KCNMA1: variants seen among roughly 807,000 people sequenced by gnomAD.
KCNMA1 encodes potassium calcium-activated channel subfamily M alpha 1, also known as Calcium-activated potassium channel subunit alpha-1.
Under a neutral mutation model 140.0 loss-of-function variants are expected in KCNMA1, and 29 were observed. The ratio of observed to expected loss-of-function variants is 0.21; its 90% CI spans 0.15 to 0.28. The LOEUF is 0.28. Among genes scored for constraint, KCNMA1 ranks in the 10% least tolerant of loss-of-function variants. The pLI, the probability that KCNMA1 is intolerant of heterozygous loss-of-function variation, is 1.00. For synonymous variants in KCNMA1, 612 were observed against 611.9 expected (o/e 1.00, Z 0.00); for missense variants, 880 against 1,602.2 (o/e 0.55, Z 7.70).
At chr10:77,202,017 T>G (rs2042649401) in intron 3 of KCNMA1, among the ~76,000 whole-genome samples, 1 of 152,234 alleles carries the variant, frequency 6.6e-6, no homozygotes, top group African/African-American at 2.4e-5. Context: ...AATCTTAAAC[T>G]ATTTCAAAAT....
intron 2 of KCNMA1, among the ~76,000 whole-genome samples, chr10:77,360,676 C>T (rs1183753360): frequency 6.6e-6 from 1 of 152,208 alleles, no homozygotes; most frequent in Non-Finnish European, 1.5e-5. Flanking sequence ...CCATTCACTT[C>T]CCAGATGTGT....
intron 2 of KCNMA1, among the ~76,000 whole-genome samples, chr10:77,266,588 G>GTTTCT: frequency 6.6e-6 from 1 of 152,248 alleles, no homozygotes; most frequent in African/African-American, 2.4e-5. Context: ...AAGTCTTGTT[G>GTTTCT]TTTCTTTTCT....
intron 2 of KCNMA1, among the ~76,000 whole-genome samples, chr10:77,391,504 G>A (rs1306512183): frequency 6.6e-6 from 1 of 152,200 alleles, no homozygotes; most frequent in Non-Finnish European, 1.5e-5. Context: ...AGAAGCCACT[G>A]TTATGTCCTA....
At chr10:77,333,115 C>A (rs1483661417) in intron 2 of KCNMA1, among the ~76,000 whole-genome samples, 1 of 152,096 alleles carries the variant, frequency 6.6e-6, no homozygotes, top group Admixed American at 6.6e-5. Flanking sequence ...GTTCTGCCAG[C>A]CCATTCGAGA....
chr10:77,322,571 T>C (rs182446741), intron 2 of KCNMA1, among the ~76,000 whole-genome samples: 204 of 151,940 alleles, frequency 1.3e-3, no homozygotes, highest in Non-Finnish European at 2.4e-3. Context: ...AAGAAAAGAG[T>C]GGACTGGAGG....
chr10:76,869,990 G>A (rs1205063930), exon 28 of KCNMA1: 3 of 152,742 alleles, frequency 2.0e-5, no homozygotes, highest in South Asian at 2.1e-4. Context: ...GTGGTGGGAT[G>A]TGGGCCAGAA....
intron 2 of KCNMA1, among the ~76,000 whole-genome samples, chr10:77,364,006 C>G (rs2094172541): frequency 1.3e-5 from 2 of 152,148 alleles, no homozygotes; most frequent in African/African-American, 4.8e-5. Flanking sequence ...ATTCTCTCGA[C>G]CAGTTTGCAC....
intron 1 of KCNMA1, among the ~76,000 whole-genome samples, chr10:77,461,396 T>C (rs994132992): frequency 6.6e-6 from 1 of 152,138 alleles, no homozygotes; most frequent in Non-Finnish European, 1.5e-5. Flanking sequence ...AATGATGAGA[T>C]GATCCAATGT....
At chr10:77,027,090 C>CA (rs1330855773) in intron 16 of KCNMA1, among the ~76,000 whole-genome samples, 13 of 152,028 alleles carry the variant, frequency 8.6e-5, no homozygotes, top group East Asian at 5.8e-4. Context: ...AACTGGGGAG[C>CA]AAAAAAATCA....
At chr10:77,127,651 A>T (rs1189799959) in intron 5 of KCNMA1, among the ~76,000 whole-genome samples, 1 of 34,686 alleles carries the variant, frequency 2.9e-5, no homozygotes, top group African/African-American at 1.3e-4. Context: ...GGAAGGCAGG[A>T]GGGGAAAGGG....
chr10:76,886,389 T>C lies in KCNMA1; in HGVS notation c.*877A>G, dbSNP rs963961264. ...GCAGTTTTTAATGACTTACATCTGA[T>C]ATTTATGATACATATGGCTTTTCAT... On this transcript the variant is annotated 3_prime_UTR_variant, in exon 28 of 28. Transcript: ENST00000286628. 5.1e-6 allele frequency: 5 copies of C among 985,038 alleles called. 1 individual carries two copies. The African/African-American group carries it at 8.7e-5, about 17-fold the overall frequency. The allele number at this position is 985,038 out of a possible 1,614,324, so 61.0% of individuals were successfully genotyped here.
At chr10:77,598,356 C>G (rs779174966) in intron 1 of KCNMA1, among the ~76,000 whole-genome samples, 4 of 152,176 alleles carry the variant, frequency 2.6e-5, no homozygotes, top group African/African-American at 9.6e-5. Flanking sequence ...GCATCCCCAG[C>G]ACCTAGCACA....
chr10:76,908,115 T>C (rs879820700), intron 25 of KCNMA1, among the ~76,000 whole-genome samples: 1 of 152,214 alleles, frequency 6.6e-6, no homozygotes, highest in Non-Finnish European at 1.5e-5. Context: ...AAAATAAAAA[T>C]TTCTAATGAG....
intron 15 of KCNMA1, among the ~76,000 whole-genome samples, chr10:77,038,700 C>T (rs901824075): frequency 3.9e-5 from 6 of 152,114 alleles, no homozygotes; most frequent in Non-Finnish European, 8.8e-5. Context: ...CCACCACACT[C>T]GGCTAATTTT....
intron 19 of KCNMA1, chr10:76,970,789 G>A (rs2075859433): frequency 6.5e-6 from 1 of 152,694 alleles, no homozygotes; most frequent in Non-Finnish European, 1.5e-5. Context: ...AATGAAGGAG[G>A]AGGTTGCCAT....
At chr10:77,448,311 C>T (rs988896118) in intron 1 of KCNMA1, among the ~76,000 whole-genome samples, 2 of 152,170 alleles carry the variant, frequency 1.3e-5, no homozygotes, top group Non-Finnish European at 2.9e-5. Context: ...AAAGGGCCAA[C>T]ATTTATCAGA....
At chr10:77,324,615 C>T (rs1169918225) in intron 2 of KCNMA1, among the ~76,000 whole-genome samples, 1 of 152,114 alleles carries the variant, frequency 6.6e-6, no homozygotes, top group African/African-American at 2.4e-5. Flanking sequence ...CACTATGCTG[C>T]CCAGACTGGA....
At chr10:77,365,374 G>A (rs1184313591) in intron 2 of KCNMA1, among the ~76,000 whole-genome samples, 1 of 152,192 alleles carries the variant, frequency 6.6e-6, no homozygotes, top group Non-Finnish European at 1.5e-5. Context: ...TTCTGAAGAG[G>A]AGGCTTTAGT....
At position 77,637,466 on chromosome 10, in the gene KCNMA1, G is replaced by C; in HGVS notation, c.177C>G (p.Ser59=). The change falls in exon 1 of 28, where the codon TCC becomes TCG. Residue 59 remains serine (S), a synonymous_variant. Coordinates refer to ENST00000286628, the MANE Select transcript of KCNMA1 (RefSeq NM_001161352.2). ...SSSSSSSSSS[S]SVHEPKMDAL... ...CATCCATCTTGGGCTCGTGGACCGA[G>C]GACGAGGAGGAAGAGGAGGAGGAAG... The C allele has an allele frequency of 1.9e-6, 3 of 1,611,482 alleles. No individual in the cohort carries two copies. In the East Asian group the frequency reaches 6.7e-5, roughly 36 times the overall value.
Sources: gnomAD v4.1 joint callset for allele counts (sites outside exome capture counted in the v4.1 genomes callset) on GRCh38, gnomAD v4.1.1 for gene constraint, MANE v1.5 for transcripts, NCBI Gene and HGNC (gene_info 2026-07-23, HGNC 2026-07-21) for gene names.